The following ARVCF variants were observed in gnomAD, a reference collection of about 807,000 sequenced individuals.
The protein encoded by ARVCF is splicing regulator ARVCF.
A neutral mutation model predicts 90.9 loss-of-function variants in ARVCF; 66 were observed. That is an observed-to-expected ratio of 0.73 (90% CI 0.60 to 0.89). The LOEUF is 0.89. Ranked by LOEUF, ARVCF falls within the 40% of genes least tolerant of loss-of-function variation. ARVCF has a pLI of 0.00. For synonymous variants in ARVCF, 653 were observed against 603.4 expected (o/e 1.08, Z -1.21); for missense variants, 1,469 against 1,382.3 (o/e 1.06, Z -1.00).
chr22:19,973,643 C>A lies in ARVCF; in HGVS notation c.2239G>T (p.Gly747Trp). The A allele has an allele frequency of 6.2e-7, 1 of 1,604,882 alleles. No homozygotes were observed. Among genetic ancestry groups the A allele is most frequent in the Non-Finnish European group, 8.5e-7 (1 of 1,175,908 alleles). The change falls in exon 13 of 20, where the codon GGG becomes TGG. Residue 747 changes from glycine to tryptophan, a missense_variant and splice_region_variant. Gly to Trp is a radical substitution (Grantham distance 184). Coordinates refer to ENST00000263207, the MANE Select transcript of ARVCF (RefSeq NM_001670.3). ...GCGTGGGCTTTGCAGGCGTCCTCAC[C>A]GATGAGGTCTTTGTTGCGCCGGTCC... ...SLDRRNKDLI[G>W]SYAMAELVRN...
chr22:19,968,745 C>CG, downstream of ARVCF: 2 of 1,608,706 alleles, frequency 1.2e-6, no homozygotes, highest in Non-Finnish European at 1.7e-6. Context: ...GACTGCCCCC[C>CG]CGGCCCCCCT....
At position 19,981,454 on chromosome 22, in the gene ARVCF, AG is replaced by A; in HGVS notation, c.652del (p.Gly219AlafsTer103). The A allele has an allele frequency of 6.4e-7, 1 of 1,550,708 alleles. No individual in the cohort carries two copies. The highest frequency in any genetic ancestry group is 8.7e-7 in the Non-Finnish European group (1 of 1,149,646). On this transcript the variant is annotated frameshift_variant, in exon 5 of 20. Coordinates refer to ENST00000263207, the MANE Select transcript of ARVCF (RefSeq NM_001670.3). LOFTEE classifies it high-confidence loss of function. ...GCAGCCATCACCAGGGCCTGGGCCA[AG>A]GGGGCCAGCACGTGGGGGCCGCATG... ...LGMRPPRAGPLGPGPGDGCFT... is the reference protein window; with the variant it reads ...LGMRPPRAGPXGPGPGDGCFT...
At position 19,972,767 on chromosome 22, in the gene ARVCF, T is replaced by G. The variant is rs769307417; in HGVS notation, c.2611A>C (p.Ser871Arg). 2 of 1,613,120 alleles carry G rather than the reference T, an allele frequency of 1.2e-6. No homozygotes were observed. Among genetic ancestry groups the G allele is most frequent in the Admixed American group, 3.3e-5 (2 of 59,966 alleles). The change falls in exon 16 of 20, where the codon AGC becomes CGC. Residue 871 changes from serine to arginine, a missense_variant. Transcript: ENST00000263207. ...GALSPGGFDD[S>R]TLPLVDKSLE... ...CTCTTGTCCACCAGTGGCAGCGTGC[T>G]GTCATCGAAGCCCCCAGGACTCAGT...
chr22:19,976,600 A>C (rs1212668052), intron 10 of ARVCF, 106 bp downstream of exon 10: 1 of 1,421,904 alleles, frequency 7.0e-7, no homozygotes, highest in Non-Finnish European at 9.6e-7. Flanking sequence ...AGCCCGAGTG[A>C]TGAAGCCAGG....
Position 19,973,329 on chromosome 22 carries a change from G to C in ARVCF, c.2240-12C>G. On this transcript the variant is annotated splice_polypyrimidine_tract_variant and intron_variant, in intron 13 of 19. Transcript: ENST00000263207. ...CATGGCGTAGCTCCCTGAGGGGCAG[G>C]ACTAGGTGTCAGAACACACCTCTGC... 1 of 1,585,488 alleles carries C rather than the reference G, an allele frequency of 6.3e-7. No individual in the cohort carries two copies. Among genetic ancestry groups the C allele is most frequent in the East Asian group, 2.3e-5 (1 of 43,974 alleles).
downstream of ARVCF, among the ~76,000 whole-genome samples, chr22:19,966,678 C>T (rs978523635): frequency 1.3e-5 from 2 of 152,064 alleles, no homozygotes; most frequent in African/African-American, 2.4e-5. Context: ...TGGCCTCAAG[C>T]GATCCTCTTG....
At chr22:19,979,101 A>G in intron 6 of ARVCF, 21 bp from the exon 7 acceptor site, 1 of 1,607,162 alleles carries the variant, frequency 6.2e-7, no homozygotes, top group Non-Finnish European at 8.5e-7. Context: ...CGATTGGCCA[A>G]TCTGTGCTGA....
At chr22:20,005,316 A>G (rs2146467399) in intron 2 of ARVCF, among the ~76,000 whole-genome samples, 1 of 152,238 alleles carries the variant, frequency 6.6e-6, no homozygotes, top group South Asian at 2.1e-4. Flanking sequence ...TCATTAGGGA[A>G]GAGCAAATCA....
At chr22:19,991,481 G>GA (rs1944024275) in intron 2 of ARVCF, among the ~76,000 whole-genome samples, 1 of 152,268 alleles carries the variant, frequency 6.6e-6, no homozygotes, top group African/African-American at 2.4e-5. Context: ...GGACAAGCCT[G>GA]GTTGAGGTTC....
intron 9 of ARVCF, 62 bp from the exon 10 acceptor site, chr22:19,976,785 C>A (rs1239247039): frequency 1.0e-5 from 16 of 1,536,952 alleles, no homozygotes; most frequent in Non-Finnish European, 1.3e-5. Flanking sequence ...CACTCATCAC[C>A]CCCCCATGCC....
chr22:19,998,372 G>A (rs1240545983), intron 2 of ARVCF, among the ~76,000 whole-genome samples: 2 of 152,236 alleles, frequency 1.3e-5, no homozygotes, highest in Admixed American at 6.5e-5. Context: ...GAGGTGGGGT[G>A]CAGCCCCTGG....
At chr22:19,984,837 C>G (rs1943681799) in intron 3 of ARVCF, among the ~76,000 whole-genome samples, 1 of 152,234 alleles carries the variant, frequency 6.6e-6, no homozygotes, top group South Asian at 2.1e-4. Flanking sequence ...ATCATCTGCC[C>G]AGCATCCACT....
At chr22:19,988,036 T>C (rs1943885107) in intron 3 of ARVCF, among the ~76,000 whole-genome samples, 1 of 152,140 alleles carries the variant, frequency 6.6e-6, no homozygotes, top group East Asian at 1.9e-4. Context: ...TGAGATTAAA[T>C]GAGCTGAGAC....
intron 13 of ARVCF, 126 bp downstream of exon 13, chr22:19,973,517 C>T: frequency 6.9e-7 from 1 of 1,459,100 alleles, no homozygotes; most frequent in Non-Finnish European, 9.1e-7. Context: ...CCAGTTGGGA[C>T]AGCGCCCAAG....
Position 19,972,410 on chromosome 22 carries a change from C to T in ARVCF, c.2643G>A (p.Glu881=). The T allele has an allele frequency of 1.2e-6, 2 of 1,613,494 alleles. No homozygotes were observed. The highest frequency in any genetic ancestry group is 2.2e-5 in the East Asian group (1 of 44,884). The change falls in exon 17 of 20, where the codon GAG becomes GAA. Residue 881 remains glutamate, a splice_region_variant and synonymous_variant. Coordinates refer to ENST00000263207, the MANE Select transcript of ARVCF (RefSeq NM_001670.3). The stretch of plus-strand genomic sequence containing the variant: ...CATCCCGGCTGCCAGTTTTCTCGCC[C>T]TCTGCAAGGCAGGAGGAGGAGACGG... The part of the protein sequence containing the change: ...STLPLVDKSL[E]GEKTGSRDVI...
chr22:19,968,828 T>C, downstream of ARVCF: 1 of 1,279,882 alleles, frequency 7.8e-7, no homozygotes. Context: ...GGCTCCGGGC[T>C]GTGTCCTAAA....
At chr22:19,969,708 G>A (rs746308479), downstream of ARVCF, 10 of 459,976 alleles carry the variant, frequency 2.2e-5, no homozygotes, top group Non-Finnish European at 2.9e-5. Flanking sequence ...CCTATGGATA[G>A]ACAGACCAGT....
At chr22:19,987,169 G>C (rs1943828718) in intron 3 of ARVCF, 1 of 445,808 alleles carries the variant, frequency 2.2e-6, no homozygotes, top group Admixed American at 4.4e-5. Context: ...CGGCGCCTCG[G>C]CCGCTCGGGC....
intron 2 of ARVCF, among the ~76,000 whole-genome samples, chr22:19,992,003 G>A (rs956935746): frequency 2.0e-5 from 3 of 152,244 alleles, no homozygotes; most frequent in African/African-American, 4.8e-5. Flanking sequence ...TCCCCAGAGC[G>A]TCAGCACTGC....
Sources: allele counts gnomAD v4.1 joint callset (sites outside exome capture counted in the v4.1 genomes callset), GRCh38; gene constraint gnomAD v4.1.1; transcripts MANE v1.5; gene names NCBI Gene and HGNC (gene_info 2026-07-23, HGNC 2026-07-21).